Variants in ST7L observed in about 807,000 individuals in gnomAD.
ST7L encodes suppression of tumorigenicity 7 like.
Under a neutral mutation model 72.5 loss-of-function variants are expected in ST7L, and 57 were observed. That is an observed-to-expected ratio of 0.79 (90% CI 0.64 to 0.98). The LOEUF (loss-of-function observed/expected upper bound fraction) is 0.98, where lower values mean the gene tolerates loss of function less well. ST7L is among the 50% of genes least tolerant of loss of function. ST7L has a pLI of 0.00. For missense variants in ST7L, 576 were observed against 672.2 expected, an observed-to-expected ratio of 0.86 and a Z score of 1.58; for synonymous variants, 221 against 240.9, an observed-to-expected ratio of 0.92 and a Z score of 0.77.
At chr1:112,579,648 T>C (rs1463051255) in intron 9 of ST7L, among the ~76,000 whole-genome samples, 2 of 152,132 alleles carry the variant, frequency 1.3e-5, no homozygotes, top group Admixed American at 6.6e-5. Flanking sequence ...AAATTAATTA[T>C]ATCAATCATT....
At chr1:112,561,968 CTTTT>C (rs35922454) in intron 11 of ST7L, among the ~76,000 whole-genome samples, 2 of 136,796 alleles carry the variant, frequency 1.5e-5, no homozygotes, top group Admixed American at 7.4e-5. Flanking sequence ...TAAAACTTTA[CTTTT>C]TTTTTTTTTT....
At chr1:112,553,872 CTTATTA>C (rs995040910) in intron 12 of ST7L, among the ~76,000 whole-genome samples, 1 of 152,082 alleles carries the variant, frequency 6.6e-6, no homozygotes, top group Non-Finnish European at 1.5e-5. Context: ...TTGAATTATT[CTTATTA>C]TTATTTTTGA....
intron 4 of ST7L, among the ~76,000 whole-genome samples, chr1:112,599,125 T>TACACACAC (rs1491192959): frequency 1.7e-5 from 1 of 57,736 alleles, no homozygotes; most frequent in African/African-American, 9.7e-5. Context: ...GATGTGTGTG[T>TACACACAC]ATACACACAC....
chr1:112,589,792 CT>C (rs1665415257), intron 6 of ST7L, among the ~76,000 whole-genome samples: 1 of 152,200 alleles, frequency 6.6e-6, no homozygotes, highest in Non-Finnish European at 1.5e-5. Context: ...CTGCCTTAGC[CT>C]TCTCCTCCTA....
chr1:112,541,414 T>C (rs978769375), intron 14 of ST7L, among the ~76,000 whole-genome samples: 1 of 151,990 alleles, frequency 6.6e-6, no homozygotes, highest in Middle Eastern at 3.2e-3. Context: ...CTACACATGG[T>C]TCTATATCCA....
intron 11 of ST7L, among the ~76,000 whole-genome samples, chr1:112,568,871 T>TATATATATAC (rs1557993787): frequency 9.4e-6 from 1 of 105,896 alleles, no homozygotes; most frequent in Non-Finnish European, 2.1e-5. Context: ...AATATATATA[T>TATATATATAC]ATATATATAT....
At chr1:112,547,807 G>A (rs6672761) in intron 13 of ST7L, among the ~76,000 whole-genome samples, 32,479 of 150,986 alleles carry the variant, frequency 0.22, 3,703 homozygotes, top group Middle Eastern at 0.26. Flanking sequence ...CAGGTGATCC[G>A]CTCGCTTCAG....
intron 2 of ST7L, among the ~76,000 whole-genome samples, chr1:112,611,379 C>A (rs564322285): frequency 1.3e-5 from 2 of 152,330 alleles, no homozygotes; most frequent in African/African-American, 4.8e-5. Context: ...ACTAGACTAG[C>A]ATCAGCATGC....
chr1:112,560,482 A>G (rs1211632933), intron 11 of ST7L, among the ~76,000 whole-genome samples: 1 of 152,198 alleles, frequency 6.6e-6, no homozygotes, highest in Non-Finnish European at 1.5e-5. Context: ...TCCCCAAAAT[A>G]TAAGAGAAAA....
At chr1:112,550,415 CAG>C (rs1458030168) in intron 13 of ST7L, among the ~76,000 whole-genome samples, 184 bp downstream of exon 13, 2 of 152,096 alleles carry the variant, frequency 1.3e-5, no homozygotes, top group East Asian at 3.8e-4. Flanking sequence ...GCATCTAGCA[CAG>C]AGTTTTGCTC....
At chr1:112,609,881 A>G (rs1361978492) in intron 3 of ST7L, among the ~76,000 whole-genome samples, 5 of 152,206 alleles carry the variant, frequency 3.3e-5, no homozygotes, top group African/African-American at 1.2e-4. Flanking sequence ...GTCTACAATA[A>G]AAGTATGACA....
intron 3 of ST7L, among the ~76,000 whole-genome samples, chr1:112,602,083 CAAAAAAAAAAAAA>C (rs71584754): frequency 1.8e-3 from 160 of 89,104 alleles, no homozygotes; most frequent in South Asian, 8.6e-3. Context: ...AAACTCCATC[CAAAAAAAAAAAAA>C]AAAAAAAGAA....
chr1:112,616,919 GT>G lies in ST7L; in HGVS notation c.206-25del, dbSNP rs1165230287. On this transcript the variant is annotated intron_variant, in intron 1 of 14. Transcript: ENST00000358039. ...CACTGTCAAAAGAACAAGAATCAAA[GT>G]TTTAAAAAATGCAAATTTAAAGTAC... 4 of 1,559,156 alleles carry G rather than the reference GT, an allele frequency of 2.6e-6. No homozygotes were observed. In the South Asian group the frequency reaches 4.7e-5, roughly 18 times the overall value.
At chr1:112,520,519 T>TA, downstream of ST7L, 1 of 1,612,732 alleles carries the variant, frequency 6.2e-7, no homozygotes. Context: ...AACACACAGA[T>TA]ACCTCACTCA....
At chr1:112,617,548 C>T (rs11102513) in intron 1 of ST7L, among the ~76,000 whole-genome samples, 30,174 of 151,952 alleles carry the variant, frequency 0.2, 3,843 homozygotes, top group East Asian at 0.47. Flanking sequence ...CCAGTCTCTA[C>T]GCAAAATTTA....
rs1163075228 is a variant in ST7L at position 112,551,201 on chromosome 1, T to C, written c.1397-508A>G. On this transcript the variant is annotated intron_variant, in intron 12 of 14. Coordinates refer to ENST00000358039, the MANE Select transcript of ST7L (RefSeq NM_017744.5). ...TCTTGCTCTGTTGCCCAGGCTGGAG[T>C]GCAGTGGCGTGATCTTGGCTCACTA... Among the ~76,000 whole-genome samples, 12 of 137,298 alleles carry C rather than the reference T, an allele frequency of 8.7e-5. No individual in the cohort carries two copies. The Admixed American group carries it at 1.0e-3, about 12-fold the overall frequency. 90.1% of individuals were successfully genotyped at this position (137,298 alleles called of 152,430 possible). A position where few individuals can be genotyped will look rare whatever the true frequency, so the allele number is the denominator to read the frequency against.
intron 11 of ST7L, among the ~76,000 whole-genome samples, chr1:112,573,543 G>A (rs1351866935): frequency 6.6e-6 from 1 of 152,020 alleles, no homozygotes; most frequent in African/African-American, 2.4e-5. Flanking sequence ...GTTATGATAT[G>A]CTTAGAAATT....
chr1:112,556,586 T>C (rs1012156472), intron 11 of ST7L, among the ~76,000 whole-genome samples: 1 of 152,168 alleles, frequency 6.6e-6, no homozygotes, highest in African/African-American at 2.4e-5. Context: ...AAAGAACGCT[T>C]TGCCTGTTCT....
At chr1:112,551,425 G>A (rs1162767249) in intron 12 of ST7L, among the ~76,000 whole-genome samples, 1 of 152,164 alleles carries the variant, frequency 6.6e-6, no homozygotes, top group East Asian at 1.9e-4. Context: ...TGGGATTACA[G>A]GTGTGAGCCA....
Sources: gnomAD v4.1 joint callset for allele counts (sites outside exome capture counted in the v4.1 genomes callset) on GRCh38, gnomAD v4.1.1 for gene constraint, MANE v1.5 for transcripts, NCBI Gene and HGNC (gene_info 2026-07-23, HGNC 2026-07-21) for gene names.